Variants in C2CD3 observed in about 807,000 individuals in gnomAD.
C2CD3 encodes the protein C2 domain containing 3 centriole elongation regulator.
In C2CD3, 148 loss-of-function variants were observed where a neutral mutation model predicts 234.0. That is an observed-to-expected ratio of 0.63 (90% CI 0.55 to 0.72). C2CD3 has a LOEUF of 0.72. Among genes scored for constraint, C2CD3 ranks in the 30% least tolerant of loss-of-function variants. The pLI, the probability that C2CD3 is intolerant of heterozygous loss-of-function variation, is 0.00. For missense variants in C2CD3, 2,577 were observed against 2,811.5 expected (o/e 0.92, Z 1.89); for synonymous variants, 1,000 against 1,035.4 (o/e 0.97, Z 0.66).
Position 74,092,527 on chromosome 11 carries a change from T to A in C2CD3, c.3406A>T (p.Ile1136Phe). The change falls in exon 19 of 33, where the codon ATC becomes TTC. Residue 1136 changes from isoleucine (I) to phenylalanine (F), a missense_variant. By Grantham distance (21) the Ile-to-Phe change is conservative (BLOSUM62 0). Coordinates refer to ENST00000334126, the MANE Select transcript of C2CD3 (RefSeq NM_001286577.2). ...TGCTGGGTGGTTACCATAGCACAGATCCTTGATAATGGCAAGGTTCCTTTG... is the reference window on the plus strand; with the variant it reads ...TGCTGGGTGGTTACCATAGCACAGAACCTTGATAATGGCAAGGTTCCTTTG... ...VAKGTLPLSRICAMVTTQHRE... is the reference protein window; with the variant it reads ...VAKGTLPLSRFCAMVTTQHRE... 6.2e-7 allele frequency: 1 copy of A among 1,614,020 alleles called. No homozygotes were observed. The highest frequency in any genetic ancestry group is 2.2e-5 in the East Asian group (1 of 44,874).
At chr11:74,085,063 C>T (rs1284807755) in intron 21 of C2CD3, 93 bp from the exon 22 acceptor site, 2 of 656,340 alleles carry the variant, frequency 3.0e-6, no homozygotes, top group African/African-American at 3.6e-5. Context: ...CCCTTATATG[C>T]ACTAAATCTT....
intron 3 of C2CD3, among the ~76,000 whole-genome samples, chr11:74,149,316 A>G (rs1855439127): frequency 6.6e-6 from 1 of 152,098 alleles, no homozygotes; most frequent in South Asian, 2.1e-4. Flanking sequence ...TTCCTGCACA[A>G]CATTTTCCCA....
chr11:74,138,596 G>A (rs1411483434), intron 5 of C2CD3, 124 bp downstream of exon 5: 12 of 743,152 alleles, frequency 1.6e-5, no homozygotes, highest in Non-Finnish European at 2.5e-5. Context: ...ACTCTAGCAA[G>A]ACTGCCTGTT....
intron 24 of C2CD3, among the ~76,000 whole-genome samples, chr11:74,066,447 A>G (rs55908804): frequency 0.074 from 11,185 of 151,620 alleles, 1,337 homozygotes; most frequent in African/African-American, 0.26. Context: ...AAAGAAAGAA[A>G]GAAAGAAAAA....
chr11:74,054,088 C>T (rs1222259337), intron 26 of C2CD3, among the ~76,000 whole-genome samples: 3 of 151,876 alleles, frequency 2.0e-5, no homozygotes, highest in Admixed American at 2.0e-4. Flanking sequence ...CTGGCTAACA[C>T]GCTGAAACCC....
intron 22 of C2CD3, among the ~76,000 whole-genome samples, chr11:74,082,890 C>A (rs1955455844): frequency 6.6e-6 from 1 of 152,104 alleles, no homozygotes; most frequent in African/African-American, 2.4e-5. Flanking sequence ...AGATTCAATG[C>A]CATCCCCATC....
Position 74,103,120 on chromosome 11 carries a change from T to C in C2CD3, c.2580+11A>G, listed in dbSNP as rs1301705282. 3 of 1,603,678 alleles carry C rather than the reference T, an allele frequency of 1.9e-6. No individual in the cohort carries two copies. Among genetic ancestry groups the C allele is most frequent in the South Asian group, 1.1e-5 (1 of 89,504 alleles). ...ATATTCCTCTAATGGATATGGAATG[T>C]ACAAAGTTACCTGAGAAAAGTTAAA... On this transcript the variant is annotated intron_variant, in intron 14 of 32. Coordinates refer to ENST00000334126, the MANE Select transcript of C2CD3 (RefSeq NM_001286577.2).
chr11:74,074,206 C>T (rs746844522), intron 24 of C2CD3, 47 bp downstream of exon 24: 7 of 1,285,556 alleles, frequency 5.4e-6, no homozygotes, highest in African/African-American at 4.4e-5. Flanking sequence ...GAAAGGAGCA[C>T]ACCCTGAAGA....
chr11:74,118,484 T>C (rs2135518289), intron 8 of C2CD3, 102 bp from the exon 9 acceptor site: 1 of 741,570 alleles, frequency 1.3e-6, no homozygotes, highest in Non-Finnish European at 2.2e-6. Context: ...TGTACATACA[T>C]CATTCTCTTA....
rs140034054 is a variant in C2CD3, at chr11:74,116,846, G to A, written c.1520+1382C>T. Among the ~76,000 whole-genome samples, 256 of 136,688 alleles carry A rather than the reference G, an allele frequency of 1.9e-3. 2 individuals are homozygous for A. Among genetic ancestry groups the A allele is most frequent in the African/African-American group, 6.6e-3 (242 of 36,560 alleles). 89.7% of individuals were successfully genotyped at this position (136,688 alleles called of 152,430 possible). A position where few individuals can be genotyped will look rare whatever the true frequency, so the allele number is the denominator to read the frequency against. ...TATATACGTGTGTGTATATATACAC[G>A]TGTATATGTGTATATACACGTGTAT... is the stretch of plus-strand genomic sequence containing the variant. On this transcript the variant is annotated intron_variant, in intron 9 of 32. Coordinates refer to ENST00000334126, the MANE Select transcript of C2CD3 (RefSeq NM_001286577.2).
At chr11:74,017,505 G>A (rs1038551633) in intron 32 of C2CD3, among the ~76,000 whole-genome samples, 1 of 152,202 alleles carries the variant, frequency 6.6e-6, no homozygotes, top group South Asian at 2.1e-4. Flanking sequence ...AATGGAGCAC[G>A]TGGAAGGTGT....
intron 32 of C2CD3, among the ~76,000 whole-genome samples, chr11:74,018,630 G>C (rs745410415): frequency 4.9e-4 from 75 of 152,284 alleles, no homozygotes; most frequent in Non-Finnish European, 9.0e-4. Flanking sequence ...TCACCCCTTT[G>C]GCTGGCTGCC....
chr11:74,129,670 G>C (rs1283021221), intron 7 of C2CD3: 1 of 172,702 alleles, frequency 5.8e-6, no homozygotes, highest in Non-Finnish European at 1.2e-5. Flanking sequence ...TCCCAGACGG[G>C]GTGGCGGCCG....
intron 29 of C2CD3, 103 bp downstream of exon 29, chr11:74,041,951 A>T: frequency 1.7e-6 from 2 of 1,153,254 alleles, no homozygotes; most frequent in Non-Finnish European, 2.5e-6. Context: ...TAATGTTCCT[A>T]GGGCGGTGGC....
intron 5 of C2CD3, among the ~76,000 whole-genome samples, chr11:74,137,551 A>AT (rs1565335803): frequency 3.4e-5 from 5 of 145,754 alleles, no homozygotes; most frequent in Admixed American, 6.8e-5. Flanking sequence ...ATATATATAT[A>AT]CTTTTTTTTG....
chr11:74,049,908 G>A (rs1292562649), intron 26 of C2CD3, among the ~76,000 whole-genome samples: 1 of 138,046 alleles, frequency 7.2e-6, no homozygotes, highest in Non-Finnish European at 1.5e-5. Context: ...AGTCTCCCAA[G>A]TAGCTAGGAC....
intron 7 of C2CD3, among the ~76,000 whole-genome samples, chr11:74,130,509 C>T (rs1957630483): frequency 1.3e-5 from 2 of 152,142 alleles, no homozygotes; most frequent in South Asian, 2.1e-4. Context: ...GTTGGGATTA[C>T]ACCATGAGCC....
chr11:74,084,949 T>C lies in C2CD3; in HGVS notation c.3932A>G (p.Glu1311Gly), dbSNP rs1955573261. The C allele has an allele frequency of 6.2e-7, 1 of 1,610,028 alleles. No homozygotes were observed. Among genetic ancestry groups the C allele is most frequent in the South Asian group, 1.1e-5 (1 of 90,938 alleles). The change falls in exon 22 of 33, where the codon GAG (glutamate) becomes GGG (glycine). Residue 1311 changes from glutamate to glycine, a missense_variant. Transcript: ENST00000334126. ...TCCAAGCAGATACTCTTTGCATGAC[T>C]CAATACTGATTATATCACTTGCTGT... ...TKSASDIISI[E>G]SCKEYLLGVV...
chr11:74,155,687 C>A (rs1855966024), intron 3 of C2CD3, among the ~76,000 whole-genome samples: 1 of 151,978 alleles, frequency 6.6e-6, no homozygotes, highest in Non-Finnish European at 1.5e-5. Flanking sequence ...CCAGAACAGG[C>A]AAATACACAG....
Sources: allele counts gnomAD v4.1 joint callset (sites outside exome capture counted in the v4.1 genomes callset), GRCh38; gene constraint gnomAD v4.1.1; transcripts MANE v1.5; gene names NCBI Gene and HGNC (gene_info 2026-07-23, HGNC 2026-07-21).